Variants in RPTOR observed in about 807,000 individuals in gnomAD.
The protein encoded by RPTOR is regulatory-associated protein of mTOR.
A neutral mutation model predicts 169.9 loss-of-function variants in RPTOR; 21 were observed. The ratio of observed to expected loss-of-function variants is 0.12; its 90% CI spans 0.09 to 0.18. The LOEUF is 0.18. RPTOR is among the 10% of genes least tolerant of loss of function. RPTOR has a pLI of 1.00. For missense variants in RPTOR, 1,133 were observed against 1,855.9 expected, an observed-to-expected ratio of 0.61 and a Z score of 7.16; for synonymous variants, 732 against 753.2, an observed-to-expected ratio of 0.97 and a Z score of 0.46.
intron 6 of RPTOR, among the ~76,000 whole-genome samples, chr17:80,774,720 C>G (rs1346828777): frequency 6.6e-6 from 1 of 152,092 alleles, no homozygotes; most frequent in African/African-American, 2.4e-5. Flanking sequence ...GGGGGCGGCC[C>G]CTGGGAAGCT....
intron 21 of RPTOR, among the ~76,000 whole-genome samples, chr17:80,912,787 T>G (rs1418713551): frequency 6.6e-6 from 1 of 152,226 alleles, no homozygotes; most frequent in Non-Finnish European, 1.5e-5. Flanking sequence ...CACACGGCTT[T>G]GTCGTGCTAT....
chr17:80,618,318 T>C (rs917828021), intron 1 of RPTOR, among the ~76,000 whole-genome samples: 2 of 152,182 alleles, frequency 1.3e-5, no homozygotes, highest in Non-Finnish European at 2.9e-5. Flanking sequence ...ATAAACTTTT[T>C]TTCCCCCAGA....
chr17:80,953,878 C>A (rs187968932), intron 28 of RPTOR, among the ~76,000 whole-genome samples: 2 of 152,362 alleles, frequency 1.3e-5, no homozygotes, highest in East Asian at 3.9e-4. Context: ...AGCGGAGGAG[C>A]AGGGCTGCAA....
rs149085166 is a variant in RPTOR at position 80,819,508 on chromosome 17, G to A, written c.891-2693G>A. On this transcript the variant is annotated intron_variant, in intron 7 of 33. Coordinates refer to ENST00000306801, the MANE Select transcript of RPTOR (RefSeq NM_020761.3). ...ATTTCCCTCTCATTGGTTTCGGAGC[G>A]AATTTTGGGCTTTCTGCAATGGCAG... 4.3e-3 allele frequency among the ~76,000 whole-genome samples: 650 copies of A among 152,266 alleles called. 6 individuals are homozygous for A. The highest frequency in any genetic ancestry group is 0.014 in the Middle Eastern group (4 of 294).
In RPTOR at chr17:80,940,611, C is replaced by A. The variant is rs915755012; in HGVS notation, c.3025+10C>A. On this transcript the variant is annotated intron_variant, in intron 25 of 33. Transcript: ENST00000306801. ...CAAGTCATTCAGAAGGGTAAGGGCA[C>A]CCGCACAGCCAGCCAGGGGCTCATT... 6.3e-7 allele frequency: 1 copy of A among 1,599,134 alleles called. No homozygotes were observed. Among genetic ancestry groups the A allele is most frequent in the Non-Finnish European group, 8.5e-7 (1 of 1,172,426 alleles).
chr17:80,847,102 T>C (rs897438131), intron 11 of RPTOR, among the ~76,000 whole-genome samples: 1 of 152,268 alleles, frequency 6.6e-6, no homozygotes, highest in African/African-American at 2.4e-5. Flanking sequence ...CCGTAGGTTA[T>C]GCACTGAAGC....
At chr17:80,930,315 G>GCTCAGCTCAGCTCATCCTCAGCTCATC (rs1567993558) in intron 24 of RPTOR, among the ~76,000 whole-genome samples, 25 of 13,850 alleles carry the variant, frequency 1.8e-3, no homozygotes, top group East Asian at 5.8e-3. Context: ...CTCATCCCCA[G>GCTCAGCTCAGCTCATCCTCAGCTCATC]CTCAGCTCAG....
At chr17:80,634,325 A>ATAC (rs1567830585) in intron 2 of RPTOR, among the ~76,000 whole-genome samples, 59 of 18,238 alleles carry the variant, frequency 3.2e-3, no homozygotes, top group Non-Finnish European at 3.7e-3. Flanking sequence ...TGTGCGTACT[A>ATAC]TGTGCGTGTG....
chr17:80,629,057 T>C (rs574153787), intron 2 of RPTOR, among the ~76,000 whole-genome samples: 14 of 142,430 alleles, frequency 9.8e-5, no homozygotes, highest in African/African-American at 3.7e-4. Flanking sequence ...CTCTATGTAT[T>C]GTGCTGTTGG....
intron 2 of RPTOR, among the ~76,000 whole-genome samples, chr17:80,636,459 G>A (rs11870842): frequency 1.3e-3 from 201 of 152,206 alleles, no homozygotes; most frequent in African/African-American, 4.4e-3. Flanking sequence ...AAAGGCACTG[G>A]CAGGTCTGTT....
At chr17:80,577,787 A>T (rs147507229) in intron 1 of RPTOR, among the ~76,000 whole-genome samples, 4 of 152,352 alleles carry the variant, frequency 2.6e-5, no homozygotes, top group South Asian at 2.1e-4. Flanking sequence ...TTGGACCTGC[A>T]GCCTTCCTGG....
chr17:80,943,867 A>G (rs766950738), intron 25 of RPTOR, among the ~76,000 whole-genome samples: 1 of 152,184 alleles, frequency 6.6e-6, no homozygotes, highest in Non-Finnish European at 1.5e-5. Flanking sequence ...ACCTGGAGCT[A>G]TGTCTCTGGC....
intron 11 of RPTOR, among the ~76,000 whole-genome samples, chr17:80,851,617 C>T (rs1413096091): frequency 1.3e-5 from 2 of 152,252 alleles, no homozygotes; most frequent in African/African-American, 4.8e-5. Context: ...GACGCCGACT[C>T]CCAGGCAGGT....
chr17:80,794,815 G>A (rs2067084763), intron 7 of RPTOR, among the ~76,000 whole-genome samples: 1 of 152,234 alleles, frequency 6.6e-6, no homozygotes, highest in Non-Finnish European at 1.5e-5. Flanking sequence ...TCCAAGGGTG[G>A]CGCATGGTCC....
chr17:80,906,052 C>G (rs1018454246), intron 20 of RPTOR, among the ~76,000 whole-genome samples: 1 of 152,152 alleles, frequency 6.6e-6, no homozygotes, highest in African/African-American at 2.4e-5. Context: ...GGTGGGCAGT[C>G]ATCAACGGGC....
At chr17:80,948,029 G>T (rs752759478) in intron 27 of RPTOR, among the ~76,000 whole-genome samples, 4 of 152,218 alleles carry the variant, frequency 2.6e-5, no homozygotes, top group African/African-American at 7.2e-5. Flanking sequence ...TTGAAAACAC[G>T]TGTCCATTGC....
chr17:80,852,256 A>G lies in RPTOR; in HGVS notation c.1315-3208A>G, dbSNP rs1394595843. On this transcript the variant is annotated intron_variant, in intron 11 of 33. Coordinates refer to ENST00000306801, the MANE Select transcript of RPTOR (RefSeq NM_020761.3). ...GTTGTCTCCGTTTTTCTTGATAATG[A>G]TATTGAAGTTTCCAGAAGTTAGGAA... Among the ~76,000 whole-genome samples the G allele has an allele frequency of 2.6e-5, 4 of 152,194 alleles. No homozygotes were observed. The East Asian group carries it at 7.7e-4, about 29-fold the overall frequency.
chr17:80,585,166 TTTATTATTA>T (rs150653828), intron 1 of RPTOR, among the ~76,000 whole-genome samples: 108,724 of 141,452 alleles, frequency 0.77, 42,866 homozygotes, highest in East Asian at 0.95. Flanking sequence ...AGTGCTTTGG[TTTATTATTA>T]TTATTATTAT....
chr17:80,841,769 G>T (rs1362588877), intron 10 of RPTOR, among the ~76,000 whole-genome samples: 1 of 101,912 alleles, frequency 9.8e-6, no homozygotes, highest in African/African-American at 3.9e-5. Context: ...CACTCTCCCC[G>T]CACGGCAGCT....
Sources: allele counts gnomAD v4.1 joint callset (sites outside exome capture counted in the v4.1 genomes callset), GRCh38; gene constraint gnomAD v4.1.1; transcripts MANE v1.5; gene names NCBI Gene and HGNC (gene_info 2026-07-23, HGNC 2026-07-21).